The following VTA1 variants were observed in gnomAD, a reference collection of about 807,000 sequenced individuals.
VTA1 encodes vesicle trafficking 1, also known as vacuolar protein sorting-associated protein VTA1 homolog.
VTA1 carries 24 observed loss-of-function variants against 36.9 expected under a neutral mutation model. The observed-to-expected ratio is 0.65, with a 90% confidence interval of 0.47 to 0.91. The LOEUF (loss-of-function observed/expected upper bound fraction) is 0.91. VTA1 is among the 40% of genes least tolerant of loss of function. VTA1 has a pLI of 0.00. For missense variants in VTA1, 393 were observed against 377.2 expected (o/e 1.04, Z -0.35); for synonymous variants, 142 against 130.2 (o/e 1.09, Z -0.62).
chr6:142,207,746 G>A (rs567330562), intron 7 of VTA1, among the ~76,000 whole-genome samples: 7 of 152,214 alleles, frequency 4.6e-5, no homozygotes, highest in African/African-American at 1.7e-4. Flanking sequence ...AGACCCACAA[G>A]AAACAACAGC....
chr6:142,189,338 C>T, intron 4 of VTA1, 88 bp from the exon 5 acceptor site: 2 of 1,106,864 alleles, frequency 1.8e-6, no homozygotes, highest in Non-Finnish European at 2.6e-6. Flanking sequence ...TAGGTTTTAT[C>T]TCAGAAATAT....
intron 6 of VTA1, among the ~76,000 whole-genome samples, chr6:142,201,329 A>T (rs1229116098): frequency 6.6e-6 from 1 of 151,880 alleles, no homozygotes; most frequent in Non-Finnish European, 1.5e-5. Flanking sequence ...AAGGTCCAGG[A>T]TGCACTTTTA....
intron 1 of VTA1, among the ~76,000 whole-genome samples, chr6:142,162,814 C>T (rs1774835142): frequency 6.6e-6 from 1 of 152,060 alleles, no homozygotes; most frequent in African/African-American, 2.4e-5. Flanking sequence ...GAAGACTGAT[C>T]ATAATGAAGA....
chr6:142,168,026 G>C (rs966488060), intron 2 of VTA1, among the ~76,000 whole-genome samples: 1 of 152,186 alleles, frequency 6.6e-6, no homozygotes, highest in African/African-American at 2.4e-5. Flanking sequence ...GGACTCATCA[G>C]GAATTTATCA....
chr6:142,197,258 A>G (rs76744446), intron 5 of VTA1, among the ~76,000 whole-genome samples: 2,171 of 152,314 alleles, frequency 0.014, 58 homozygotes, highest in African/African-American at 0.05. Context: ...GCTTGATAAA[A>G]TGCTTATCTC....
At chr6:142,216,194 T>G (rs1020391072) in intron 7 of VTA1, among the ~76,000 whole-genome samples, 1 of 152,180 alleles carries the variant, frequency 6.6e-6, no homozygotes, top group African/African-American at 2.4e-5. Context: ...TAAAGTCAGA[T>G]AAACTGAAAT....
chr6:142,164,374 A>G (rs1774871821), intron 1 of VTA1, among the ~76,000 whole-genome samples: 1 of 151,884 alleles, frequency 6.6e-6, no homozygotes, highest in Admixed American at 6.6e-5. Context: ...ACACTTTTGG[A>G]ACTCTTTTTT....
intron 2 of VTA1, among the ~76,000 whole-genome samples, chr6:142,166,611 C>T (rs1238229358): frequency 6.6e-6 from 1 of 151,560 alleles, no homozygotes; most frequent in Admixed American, 6.6e-5. Context: ...TGAAAAACCC[C>T]TCCTTTTTTT....
chr6:142,191,332 AAATT>A (rs912807029), intron 5 of VTA1, among the ~76,000 whole-genome samples: 6 of 152,120 alleles, frequency 3.9e-5, no homozygotes, highest in African/African-American at 1.4e-4. Context: ...AATACCTAAT[AAATT>A]GTCAATTTGG....
In VTA1 at chr6:142,220,575, G is replaced by C. The variant is rs1407939174; in HGVS notation, c.*1932G>C. On this transcript the variant is annotated 3_prime_UTR_variant, in exon 8 of 8. Transcript: ENST00000367630. ...CATGGTAGCATTTCATAAATGTTTA[G>C]TGTCAATACTAATGCTCTAATAATG... The C allele has an allele frequency of 2.0e-5, 3 of 152,108 alleles. No homozygotes were observed. The highest frequency in any genetic ancestry group is 4.4e-5 in the Non-Finnish European group (3 of 68,018). 9.4% of individuals were successfully genotyped at this position (152,108 alleles called of 1,614,324 possible). A position where few individuals can be genotyped will look rare whatever the true frequency, so the allele number is the denominator to read the frequency against.
At chr6:142,204,309 C>A (rs775931480) in intron 7 of VTA1, among the ~76,000 whole-genome samples, 4 of 152,058 alleles carry the variant, frequency 2.6e-5, no homozygotes, top group Non-Finnish European at 5.9e-5. Flanking sequence ...TTTTTTCATG[C>A]ACTACCGGAT....
At chr6:142,196,023 G>T (rs1775544548) in intron 5 of VTA1, among the ~76,000 whole-genome samples, 1 of 152,042 alleles carries the variant, frequency 6.6e-6, no homozygotes, top group Non-Finnish European at 1.5e-5. Flanking sequence ...GATGTTCTCT[G>T]TTAAATCTCC....
chr6:142,174,032 C>G (rs544275484), intron 4 of VTA1, among the ~76,000 whole-genome samples: 28 of 152,164 alleles, frequency 1.8e-4, no homozygotes, highest in Non-Finnish European at 3.7e-4. Flanking sequence ...ATAAAGGATT[C>G]CAGATAGTTG....
chr6:142,172,718 G>C (rs1475083286), intron 4 of VTA1, among the ~76,000 whole-genome samples: 4 of 152,104 alleles, frequency 2.6e-5, no homozygotes, highest in African/African-American at 9.7e-5. Context: ...GGGATACAGA[G>C]GTAATATAAA....
intron 6 of VTA1, among the ~76,000 whole-genome samples, chr6:142,202,111 A>G (rs3811083): frequency 1.3e-5 from 2 of 151,762 alleles, no homozygotes; most frequent in Non-Finnish European, 3.0e-5. Context: ...AAAGCACTAG[A>G]CATGACTAGT....
At chr6:142,181,455 T>A (rs931399179) in intron 4 of VTA1, among the ~76,000 whole-genome samples, 2 of 143,652 alleles carry the variant, frequency 1.4e-5, no homozygotes, top group African/African-American at 2.5e-5. Context: ...TTTTTATATT[T>A]TATATATATA....
In VTA1 at chr6:142,169,582, TACTC is replaced by T. The variant is rs765842732; in HGVS notation, c.242_245del (p.Thr81LysfsTer3). The T allele has an allele frequency of 1.2e-6, 2 of 1,608,624 alleles. No homozygotes were observed. Among genetic ancestry groups the T allele is most frequent in the Non-Finnish European group, 1.7e-6 (2 of 1,178,898 alleles). ...AGCAGTTGGGTGATAATGAAGCTATTACTCAAGAAATAGTGGGCTGTGCCCATTT... is the reference window on the plus strand; with the variant it reads ...AGCAGTTGGGTGATAATGAAGCTATTAAGAAATAGTGGGCTGTGCCCATTT... On this transcript the variant is annotated frameshift_variant, in exon 3 of 8. Coordinates refer to ENST00000367630, the MANE Select transcript of VTA1 (RefSeq NM_016485.5). LOFTEE classifies it high-confidence loss of function.
At chr6:142,211,711 TTAA>T (rs1562271191) in intron 7 of VTA1, among the ~76,000 whole-genome samples, 6 of 72,890 alleles carry the variant, frequency 8.2e-5, no homozygotes, top group Admixed American at 1.1e-4. Flanking sequence ...ACTCCATCTC[TTAA>T]AAAAAAAAAA....
intron 6 of VTA1, among the ~76,000 whole-genome samples, chr6:142,203,482 T>A (rs1285737384): frequency 1.3e-5 from 2 of 152,262 alleles, no homozygotes; most frequent in East Asian, 3.9e-4. Flanking sequence ...TATTCATTGA[T>A]ATGACAGTTT....
Sources: allele counts gnomAD v4.1 joint callset (sites outside exome capture counted in the v4.1 genomes callset), GRCh38; gene constraint gnomAD v4.1.1; transcripts MANE v1.5; gene names NCBI Gene and HGNC (gene_info 2026-07-23, HGNC 2026-07-21).